The following PDIA6 variants were observed in gnomAD, a reference collection of about 807,000 sequenced individuals.
PDIA6 encodes protein disulfide-isomerase A6.
Under a neutral mutation model 58.4 loss-of-function variants are expected in PDIA6, and 29 were observed. That is an observed-to-expected ratio of 0.50 (90% confidence interval 0.37 to 0.68). The LOEUF is 0.68. Among genes scored for constraint, PDIA6 ranks in the 30% least tolerant of loss-of-function variants. The probability of loss-of-function intolerance (pLI) is 0.00; values close to 1 mark genes in which losing one functional copy is unlikely to be tolerated. For missense variants in PDIA6, 480 were observed against 551.0 expected (o/e 0.87, Z 1.29); for synonymous variants, 192 against 202.6 (o/e 0.95, Z 0.44).
chr2:10,832,477 C>T (rs1398398394), exon 1 of PDIA6: 1 of 984,126 alleles, frequency 1.0e-6, no homozygotes, highest in African/African-American at 1.7e-5. Flanking sequence ...GCAGCGGGCA[C>T]CCTCGGTTGA....
chr2:10,808,936 C>T (rs775320769), intron 1 of PDIA6, among the ~76,000 whole-genome samples: 67 of 152,066 alleles, frequency 4.4e-4, no homozygotes, highest in Non-Finnish European at 7.2e-4. Context: ...AGCGATTCTC[C>T]CGTCTCAGGA....
intron 1 of PDIA6, among the ~76,000 whole-genome samples, chr2:10,825,163 G>C (rs1356725972): frequency 1.3e-5 from 2 of 152,120 alleles, no homozygotes; most frequent in Admixed American, 1.3e-4. Flanking sequence ...TTGGGACTTG[G>C]ACTGGCTCTC....
intron 10 of PDIA6, among the ~76,000 whole-genome samples, chr2:10,788,487 C>T (rs925733898): frequency 1.3e-5 from 2 of 151,762 alleles, no homozygotes; most frequent in Non-Finnish European, 2.9e-5. Flanking sequence ...GAAACCCTGA[C>T]CCTACTAAAA....
At chr2:10,837,569 G>T in exon 1 of PDIA6, 1 of 787,600 alleles carries the variant, frequency 1.3e-6, no homozygotes, top group Non-Finnish European at 2.2e-6. Context: ...TTTGATCCTC[G>T]GGACACTTTG....
upstream of PDIA6, among the ~76,000 whole-genome samples, chr2:10,816,526 C>CTT (rs201746817): frequency 8.0e-3 from 1,081 of 135,146 alleles, 9 homozygotes; most frequent in Non-Finnish European, 0.011. Flanking sequence ...TTTGTGCTTT[C>CTT]TTTTTTTTTT....
At chr2:10,825,075 C>T (rs1452366624) in intron 1 of PDIA6, among the ~76,000 whole-genome samples, 1 of 152,168 alleles carries the variant, frequency 6.6e-6, no homozygotes, top group Non-Finnish European at 1.5e-5. Flanking sequence ...GCCAGGCTGG[C>T]CTAGCCTCCT....
At chr2:10,798,576 A>C (rs374400752) in intron 2 of PDIA6, among the ~76,000 whole-genome samples, 2 of 87,608 alleles carry the variant, frequency 2.3e-5, no homozygotes, top group Admixed American at 1.1e-4. Flanking sequence ...CCCCACCCAA[A>C]AAAAAAAAAA....
chr2:10,809,770 C>A (rs1225951601), intron 1 of PDIA6, among the ~76,000 whole-genome samples: 1 of 150,908 alleles, frequency 6.6e-6, no homozygotes. Flanking sequence ...GCTCAGTACA[C>A]TGAGCCTATT....
Position 10,793,077 on chromosome 2 carries a change from T to A in PDIA6, c.453+19A>T. 1 of 1,533,920 alleles carries A rather than the reference T, an allele frequency of 6.5e-7. No individual in the cohort carries two copies. The highest frequency in any genetic ancestry group is 1.1e-5 in the South Asian group (1 of 89,464). On this transcript the variant is annotated intron_variant, in intron 5 of 12. Transcript: ENST00000272227. Reference sequence around the variant, plus strand: ...TTCAAAATTATGACACATTAAAAACTGACATTTTATGGTCTTACTTGTTTT... The same window carrying A: ...TTCAAAATTATGACACATTAAAAACAGACATTTTATGGTCTTACTTGTTTT...
chr2:10,836,573 C>T (rs546238387), upstream of PDIA6, among the ~76,000 whole-genome samples: 1 of 147,230 alleles, frequency 6.8e-6, no homozygotes, highest in East Asian at 2.0e-4. Context: ...AGAGATCATT[C>T]GCATGCCATA....
chr2:10,789,027 C>G (rs762629753), intron 8 of PDIA6, 46 bp from the exon 9 acceptor site: 1 of 1,396,956 alleles, frequency 7.2e-7, no homozygotes, highest in South Asian at 1.2e-5. Context: ...CTGCATGATA[C>G]AACACCTAAA....
upstream of PDIA6, among the ~76,000 whole-genome samples, chr2:10,815,920 T>C (rs1326984580): frequency 6.6e-6 from 1 of 152,022 alleles, no homozygotes; most frequent in African/African-American, 2.4e-5. Flanking sequence ...CCACTAATCA[T>C]CTCTAGACCT....
At chr2:10,803,179 C>T (rs908785537) in intron 1 of PDIA6, among the ~76,000 whole-genome samples, 5 of 152,142 alleles carry the variant, frequency 3.3e-5, no homozygotes, top group East Asian at 1.9e-4. Flanking sequence ...TATTTTGAGA[C>T]GGAGTTTCGC....
chr2:10,793,229 C>T (rs368286895), intron 4 of PDIA6, 27 bp from the exon 5 acceptor site: 7 of 1,488,914 alleles, frequency 4.7e-6, no homozygotes, highest in Non-Finnish European at 6.6e-6. Flanking sequence ...GTAGGCGGTC[C>T]TCAGCCCGGC....
At chr2:10,793,742 C>T (rs374337542) in intron 4 of PDIA6, among the ~76,000 whole-genome samples, 1 of 152,298 alleles carries the variant, frequency 6.6e-6, no homozygotes, top group African/African-American at 2.4e-5. Flanking sequence ...GAATAACTCA[C>T]AAATGTTTAC....
chr2:10,818,589 T>C (rs1362597837), intron 2 of PDIA6, among the ~76,000 whole-genome samples: 5 of 127,890 alleles, frequency 3.9e-5, no homozygotes, highest in Non-Finnish European at 8.3e-5. Flanking sequence ...TTGCACTATC[T>C]CGACTCACTA....
Position 10,812,706 on chromosome 2 carries a change from C to T in PDIA6, c.-10G>A. 2 of 1,525,798 alleles carry T rather than the reference C, an allele frequency of 1.3e-6. No individual in the cohort carries two copies. Among genetic ancestry groups the T allele is most frequent in the Non-Finnish European group, 1.8e-6 (2 of 1,139,480 alleles). The allele number at this position is 1,525,798 out of a possible 1,614,324, so 94.5% of individuals were successfully genotyped here. The stretch of plus-strand genomic sequence containing the variant: ...GCACCAGGAGAGCCATGCCGAGCGC[C>T]GGGCTACGTGCAGTCCCCACCGCCG... On this transcript the variant is annotated 5_prime_UTR_variant, in exon 1 of 13. Coordinates refer to ENST00000272227, the MANE Select transcript of PDIA6 (RefSeq NM_005742.4).
At chr2:10,807,211 C>T (rs1219789687) in intron 1 of PDIA6, among the ~76,000 whole-genome samples, 1 of 152,166 alleles carries the variant, frequency 6.6e-6, no homozygotes, top group East Asian at 1.9e-4. Context: ...AATAAATACA[C>T]TTTTTAATTT....
At chr2:10,819,291 G>T in exon 2 of PDIA6, 1 of 1,534,166 alleles carries the variant, frequency 6.5e-7, no homozygotes, top group Non-Finnish European at 8.8e-7. Flanking sequence ...ATTAGCCATG[G>T]TGGTTGATGG....
Sources: gnomAD v4.1 joint callset for allele counts (sites outside exome capture counted in the v4.1 genomes callset) on GRCh38, gnomAD v4.1.1 for gene constraint, MANE v1.5 for transcripts, NCBI Gene and HGNC (gene_info 2026-07-23, HGNC 2026-07-21) for gene names.